Variants in SRP54 observed in about 807,000 individuals in gnomAD.
The protein encoded by SRP54 is signal recognition particle subunit SRP54.
SRP54 carries 10 observed loss-of-function variants against 64.8 expected under a neutral mutation model. That is an observed-to-expected ratio of 0.15 (90% confidence interval 0.10 to 0.26). The LOEUF (loss-of-function observed/expected upper bound fraction) is 0.26, where lower values mean the gene tolerates loss of function less well. SRP54 is among the 10% of genes least tolerant of loss of function. The pLI is 1.00. For synonymous variants in SRP54, 193 were observed against 185.6 expected (o/e 1.04, Z -0.32); for missense variants, 325 against 613.7 (o/e 0.53, Z 4.97).
intron 13 of SRP54, among the ~76,000 whole-genome samples, chr14:35,019,572 A>T (rs1429968490): frequency 6.6e-6 from 1 of 152,230 alleles, no homozygotes; most frequent in East Asian, 1.9e-4. Context: ...TATTGCTAAC[A>T]TACATTGGGA....
chr14:34,991,726 T>G (rs2043982929), intron 1 of SRP54, among the ~76,000 whole-genome samples: 1 of 139,858 alleles, frequency 7.2e-6, no homozygotes, highest in Non-Finnish European at 1.6e-5. Flanking sequence ...TGCGTGTGTG[T>G]TGGGGGTGGG....
intron 4 of SRP54, among the ~76,000 whole-genome samples, chr14:35,005,571 A>G (rs1177025226): frequency 6.6e-6 from 1 of 151,680 alleles, no homozygotes; most frequent in Admixed American, 6.6e-5. Context: ...CCAATTCTTT[A>G]AATTAGTAGA....
chr14:35,008,566 A>T, intron 5 of SRP54, 61 bp from the exon 6 acceptor site: 1 of 1,149,654 alleles, frequency 8.7e-7, no homozygotes, highest in Middle Eastern at 3.1e-4. Flanking sequence ...AAACAGAAAA[A>T]ATTATATGTA....
At chr14:35,006,388 A>G (rs2044258543) in intron 4 of SRP54, among the ~76,000 whole-genome samples, 1 of 152,228 alleles carries the variant, frequency 6.6e-6, no homozygotes, top group African/African-American at 2.4e-5. Flanking sequence ...GGCATCCACT[A>G]GCCACATGTG....
At chr14:35,008,490 C>G (rs770809706) in intron 5 of SRP54, 137 bp from the exon 6 acceptor site, 9 of 515,816 alleles carry the variant, frequency 1.7e-5, no homozygotes, top group Non-Finnish European at 2.5e-5. Flanking sequence ...ATTCAAAAAT[C>G]TTTAATAATA....
chr14:34,992,550 A>G (rs1323201688), intron 1 of SRP54, among the ~76,000 whole-genome samples: 2 of 152,208 alleles, frequency 1.3e-5, no homozygotes, highest in Admixed American at 1.3e-4. Flanking sequence ...CAGAAAATCA[A>G]GTATCTCATG....
chr14:34,999,000 TGTGTGTGTGTGTGG>T lies in SRP54; in HGVS notation c.79-557_79-544del, dbSNP rs201236523. Among the ~76,000 whole-genome samples, 855 of 87,184 alleles carry T rather than the reference TGTGTGTGTGTGTGG, an allele frequency of 9.8e-3. 7 individuals carry two copies. The highest frequency in any genetic ancestry group is 0.015 in the South Asian group (33 of 2,272). 57.2% of individuals were successfully genotyped at this position (87,184 alleles called of 152,430 possible). ...GTGTGTGTGTGTGTGTGTGTGTGTG[TGTGTGTGTGTGTGG>T]TTTTTTTTTTTTTTTTTTGAGACAA... On this transcript the variant is annotated intron_variant, in intron 2 of 15. Transcript: ENST00000216774.
chr14:34,997,271 G>T (rs1383159597), intron 2 of SRP54, among the ~76,000 whole-genome samples: 3 of 152,006 alleles, frequency 2.0e-5, no homozygotes, highest in African/African-American at 7.2e-5. Context: ...TGGAGATTTT[G>T]TAAGCCACTC....
intron 13 of SRP54, among the ~76,000 whole-genome samples, chr14:35,021,644 A>AC: frequency 6.6e-6 from 1 of 151,864 alleles, no homozygotes. Flanking sequence ...AAAAAAAAAA[A>AC]GATTTTGAAA....
intron 1 of SRP54, among the ~76,000 whole-genome samples, chr14:34,987,296 C>G (rs1271328368): frequency 8.4e-6 from 1 of 118,872 alleles, no homozygotes; most frequent in Non-Finnish European, 1.8e-5. Flanking sequence ...TACACACACA[C>G]ACACACATAA....
chr14:35,003,536 T>C (rs1184190820), intron 4 of SRP54, among the ~76,000 whole-genome samples: 1 of 150,340 alleles, frequency 6.7e-6, no homozygotes, highest in Non-Finnish European at 1.5e-5. Context: ...CACCATGTTT[T>C]TTGTTTGTTT....
chr14:34,992,227 C>A (rs1183156816), intron 1 of SRP54, among the ~76,000 whole-genome samples: 1 of 151,986 alleles, frequency 6.6e-6, no homozygotes, highest in East Asian at 1.9e-4. Flanking sequence ...GCCACTGGGC[C>A]CGGACAGATT....
intron 7 of SRP54, among the ~76,000 whole-genome samples, chr14:35,010,947 C>T (rs990529519): frequency 6.6e-6 from 1 of 152,064 alleles, no homozygotes; most frequent in African/African-American, 2.4e-5. Context: ...AAGAGACATG[C>T]CATGGTCTTG....
At chr14:34,996,821 G>A in intron 2 of SRP54, 34 bp downstream of exon 2, 2 of 1,391,164 alleles carry the variant, frequency 1.4e-6, no homozygotes, top group Non-Finnish European at 2.0e-6. Context: ...ATATATGATT[G>A]TATATTGTCA....
At chr14:34,990,733 G>A (rs1227382953) in intron 1 of SRP54, among the ~76,000 whole-genome samples, 4 of 152,146 alleles carry the variant, frequency 2.6e-5, no homozygotes, top group Non-Finnish European at 5.9e-5. Context: ...ATTAGAACAA[G>A]GTGAGGTTAA....
chr14:34,991,456 A>G (rs1385886608), intron 1 of SRP54, among the ~76,000 whole-genome samples: 3 of 148,316 alleles, frequency 2.0e-5, no homozygotes, highest in Non-Finnish European at 4.5e-5. Context: ...TAGTGAGATT[A>G]TAGGTGACAA....
chr14:34,992,931 C>T (rs1382355032), intron 1 of SRP54, among the ~76,000 whole-genome samples: 1 of 151,944 alleles, frequency 6.6e-6, no homozygotes, highest in East Asian at 1.9e-4. Flanking sequence ...GTGATCTCGG[C>T]TCATTGCAAC....
At position 35,014,833 on chromosome 14, in the gene SRP54, A is replaced by T; in HGVS notation, c.973+3A>T. Reference sequence around the variant, plus strand: ...ACTTATAGAGAAGTTGAAACATGGTATATGAGTGACAAAAAAGCACTTCAT... The same window carrying T: ...ACTTATAGAGAAGTTGAAACATGGTTTATGAGTGACAAAAAAGCACTTCAT... On this transcript the variant is annotated splice_donor_region_variant and intron_variant, in intron 11 of 15. Transcript: ENST00000216774. 6.2e-7 allele frequency: 1 copy of T among 1,600,146 alleles called. No homozygotes were observed. Among genetic ancestry groups the T allele is most frequent in the Non-Finnish European group, 8.5e-7 (1 of 1,174,686 alleles).
intron 14 of SRP54, among the ~76,000 whole-genome samples, chr14:35,024,605 CCTAT>C (rs1350438523): frequency 5.3e-5 from 8 of 151,038 alleles, no homozygotes; most frequent in South Asian, 4.2e-4. Flanking sequence ...ATGTAGCCAG[CCTAT>C]CTTTTTTTAT....
Sources: gnomAD v4.1 joint callset for allele counts (sites outside exome capture counted in the v4.1 genomes callset) on GRCh38, gnomAD v4.1.1 for gene constraint, MANE v1.5 for transcripts, NCBI Gene and HGNC (gene_info 2026-07-23, HGNC 2026-07-21) for gene names.